Variants in BCAS4 observed in about 807,000 individuals in gnomAD.
BCAS4 encodes breast carcinoma-amplified sequence 4.
BCAS4 carries 9 observed loss-of-function variants against 15.7 expected under a neutral mutation model. The ratio of observed to expected loss-of-function variants is 0.57; its 90% confidence interval spans 0.34 to 1.00. BCAS4 has a LOEUF of 1.00. Among genes scored for constraint, BCAS4 ranks in the 50% least tolerant of loss-of-function variants. The pLI, the probability that BCAS4 is intolerant of heterozygous loss-of-function variation, is 0.02. For synonymous variants in BCAS4, 101 were observed against 99.5 expected (o/e 1.02, Z -0.09); for missense variants, 225 against 239.1 (o/e 0.94, Z 0.39).
chr20:50,813,435 G>C (rs1000311483), intron 1 of BCAS4, among the ~76,000 whole-genome samples: 6 of 152,228 alleles, frequency 3.9e-5, no homozygotes, highest in Admixed American at 6.5e-5. Context: ...GCTACTGCAA[G>C]AGTCCTAGCA....
At chr20:50,853,492 A>AGTGTCT (rs1978560228) in intron 4 of BCAS4, among the ~76,000 whole-genome samples, 1 of 152,078 alleles carries the variant, frequency 6.6e-6, no homozygotes, top group Non-Finnish European at 1.5e-5. Flanking sequence ...CATCATAGAG[A>AGTGTCT]AACTCTGTCC....
At chr20:50,856,730 G>A (rs1163974797) in intron 4 of BCAS4, among the ~76,000 whole-genome samples, 1 of 152,194 alleles carries the variant, frequency 6.6e-6, no homozygotes, top group African/African-American at 2.4e-5. Flanking sequence ...TGGGGGCGCT[G>A]CTTGCAGGGC....
intron 4 of BCAS4, among the ~76,000 whole-genome samples, chr20:50,850,308 C>T (rs746266697): frequency 1.1e-4 from 17 of 152,198 alleles, no homozygotes; most frequent in Non-Finnish European, 1.9e-4. Context: ...AGAGGGGGCT[C>T]TTCACTTGCT....
chr20:50,863,872 G>A (rs1037880782), intron 4 of BCAS4, among the ~76,000 whole-genome samples: 3 of 152,186 alleles, frequency 2.0e-5, no homozygotes, highest in African/African-American at 7.2e-5. Flanking sequence ...CCTGGGCTAC[G>A]AAGGACTCTT....
At chr20:50,810,890 A>G (rs570209009) in intron 1 of BCAS4, among the ~76,000 whole-genome samples, 65 of 152,194 alleles carry the variant, frequency 4.3e-4, no homozygotes, top group African/African-American at 1.4e-3. Flanking sequence ...ATGCCCGGCC[A>G]TGAAAAAAAT....
At chr20:50,795,949 C>G (rs1438088219) in intron 1 of BCAS4, among the ~76,000 whole-genome samples, 1 of 152,184 alleles carries the variant, frequency 6.6e-6, no homozygotes, top group African/African-American at 2.4e-5. Flanking sequence ...TGGCTCATGC[C>G]AGTGGTCCCA....
chr20:50,855,078 G>A (rs768475172), intron 4 of BCAS4, among the ~76,000 whole-genome samples: 4 of 152,190 alleles, frequency 2.6e-5, no homozygotes, highest in South Asian at 2.1e-4. Context: ...GGGCACACCC[G>A]CCAGGGGTGT....
rs1249477845 is a variant in BCAS4, at chr20:50,840,648, C to T, written c.265-1118C>T. The T allele has an allele frequency of 9.9e-6, 16 of 1,611,202 alleles. No homozygotes were observed. The South Asian group carries it at 1.1e-4, about 11-fold the overall frequency. On this transcript the variant is annotated intron_variant, in intron 3 of 4. Transcript: ENST00000371608. ...CGCCTGCTTGCTTCTCCTGTTCAAT[C>T]GTTTCTTTGGAAGGCAGTGGATTTT...
At chr20:50,812,974 TC>T (rs1455986393) in intron 1 of BCAS4, among the ~76,000 whole-genome samples, 10 of 151,992 alleles carry the variant, frequency 6.6e-5, no homozygotes, top group African/African-American at 2.4e-4. Context: ...TGCCACCATG[TC>T]CGGCTAATTT....
intron 1 of BCAS4, among the ~76,000 whole-genome samples, chr20:50,800,655 G>A (rs530199346): frequency 1.1e-4 from 17 of 148,620 alleles, no homozygotes; most frequent in African/African-American, 4.3e-4. Context: ...TCCGCCTCCT[G>A]GGTTCAAGCG....
chr20:50,798,412 G>A lies in BCAS4; in HGVS notation c.90+3239G>A, dbSNP rs541536971. Reference sequence around the variant, plus strand: ...ATCTGGGCCAGGAGCAATGGCTTACGCCTGTGGTCCCAGTACTTTGGGAGG... The same window carrying A: ...ATCTGGGCCAGGAGCAATGGCTTACACCTGTGGTCCCAGTACTTTGGGAGG... On this transcript the variant is annotated intron_variant, in intron 1 of 4. Coordinates refer to ENST00000371608, the MANE Select transcript of BCAS4 (RefSeq NM_198799.4). 1.2e-4 allele frequency among the ~76,000 whole-genome samples: 16 copies of A among 136,496 alleles called. No individual in the cohort carries two copies. In the East Asian group the frequency reaches 1.6e-3, roughly 14 times the overall value. 89.5% of individuals were successfully genotyped at this position (136,496 alleles called of 152,430 possible). A position where few individuals can be genotyped will look rare whatever the true frequency, so the allele number is the denominator to read the frequency against.
At chr20:50,849,246 G>A (rs566729210) in intron 4 of BCAS4, among the ~76,000 whole-genome samples, 12 of 152,348 alleles carry the variant, frequency 7.9e-5, no homozygotes, top group Non-Finnish European at 1.3e-4. Context: ...AGAAGAACAC[G>A]GTGCTTCCCA....
At chr20:50,835,484 T>C (rs1388290777) in intron 3 of BCAS4, among the ~76,000 whole-genome samples, 1 of 152,070 alleles carries the variant, frequency 6.6e-6, no homozygotes, top group African/African-American at 2.4e-5. Context: ...GACCTTGTGA[T>C]CCACCCGCCT....
At chr20:50,875,608 AAAAAAAAAAAAAAAG>A (rs1246722643) in intron 4 of BCAS4, among the ~76,000 whole-genome samples, 5 of 150,510 alleles carry the variant, frequency 3.3e-5, no homozygotes, top group Non-Finnish European at 7.4e-5. Context: ...CTACTAAAAA[AAAAAAAAAAAAAAAG>A]AAAAAAAATT....
At chr20:50,869,710 A>C (rs1052265127) in intron 4 of BCAS4, among the ~76,000 whole-genome samples, 1 of 139,502 alleles carries the variant, frequency 7.2e-6, no homozygotes, top group Non-Finnish European at 1.5e-5. Context: ...GAGGCAAACT[A>C]TGGTCTAGGG....
At chr20:50,819,680 C>G (rs1460439563) in intron 2 of BCAS4, among the ~76,000 whole-genome samples, 1 of 152,172 alleles carries the variant, frequency 6.6e-6, no homozygotes, top group Non-Finnish European at 1.5e-5. Context: ...TTTTTACGTT[C>G]AGATGTGGGT....
chr20:50,879,993 G>GT (rs1980086948), downstream of BCAS4: 1 of 152,542 alleles, frequency 6.6e-6, no homozygotes, highest in African/African-American at 2.4e-5. Flanking sequence ...TGGGGAAAGG[G>GT]TTGATTGTCC....
In BCAS4 at chr20:50,800,627, A is replaced by T. The variant is rs1483119987; in HGVS notation, c.90+5454A>T. Among the ~76,000 whole-genome samples, 3 of 146,886 alleles carry T rather than the reference A, an allele frequency of 2.0e-5. No individual in the cohort carries two copies. In the Admixed American group the frequency reaches 2.1e-4, roughly 10 times the overall value. ...CCCAGGCTGGAGTGCAGTGGCGCAA[A>T]CTCAGCTCACTGCAACCTCCGCCTC... On this transcript the variant is annotated intron_variant, in intron 1 of 4. Transcript: ENST00000371608.
At chr20:50,796,149 G>A (rs1036825933) in intron 1 of BCAS4, among the ~76,000 whole-genome samples, 1 of 151,544 alleles carries the variant, frequency 6.6e-6, no homozygotes, top group African/African-American at 2.4e-5. Flanking sequence ...CTGGGAGGCC[G>A]AGACGGGTGG....
Sources: gnomAD v4.1 joint callset for allele counts (sites outside exome capture counted in the v4.1 genomes callset) on GRCh38, gnomAD v4.1.1 for gene constraint, MANE v1.5 for transcripts, NCBI Gene and HGNC (gene_info 2026-07-23, HGNC 2026-07-21) for gene names.